The following LTN1 variants were observed in gnomAD, a reference collection of about 807,000 sequenced individuals.
LTN1 encodes E3 ubiquitin-protein ligase listerin.
LTN1 carries 88 observed loss-of-function variants against 201.2 expected under a neutral mutation model. The ratio of observed to expected loss-of-function variants is 0.44; its 90% CI spans 0.37 to 0.52. LTN1 has a LOEUF of 0.52. Among genes scored for constraint, LTN1 ranks in the 20% least tolerant of loss-of-function variants. LTN1 has a pLI of 0.00. For missense variants in LTN1, 1,752 were observed against 2,038.7 expected (o/e 0.86, Z 2.71); for synonymous variants, 645 against 713.5 (o/e 0.90, Z 1.53).
chr21:28,935,386 A>G, intron 26 of LTN1, 57 bp from the exon 27 acceptor site: 1 of 1,021,638 alleles, frequency 9.8e-7, no homozygotes, highest in Non-Finnish European at 1.5e-6. Flanking sequence ...AGAATAACAG[A>G]CTAATATTAG....
intron 18 of LTN1, among the ~76,000 whole-genome samples, chr21:28,951,172 C>T (rs926811966): frequency 6.6e-5 from 10 of 152,286 alleles, no homozygotes; most frequent in African/African-American, 2.2e-4. Context: ...TGTATTACTT[C>T]TTACACATTC....
At chr21:28,946,809 T>C (rs2084341445) in intron 19 of LTN1, among the ~76,000 whole-genome samples, 1 of 152,196 alleles carries the variant, frequency 6.6e-6, no homozygotes. Flanking sequence ...GTCCCCAACC[T>C]TCTATCTTAC....
chr21:28,941,084 C>G (rs1208528490), intron 25 of LTN1, 136 bp downstream of exon 25: 2 of 661,352 alleles, frequency 3.0e-6, no homozygotes, highest in African/African-American at 3.7e-5. Flanking sequence ...CTCAAATAAA[C>G]AAAATAAAAT....
At chr21:28,943,207 T>C (rs1240843985) in intron 24 of LTN1, 55 bp downstream of exon 24, 11 of 1,060,724 alleles carry the variant, frequency 1.0e-5, no homozygotes, top group Non-Finnish European at 1.4e-5. Context: ...AAAGACATTA[T>C]AAGTGAGATG....
rs1233218059 is a variant in LTN1, at chr21:28,966,669, G to A, written c.1822C>T (p.Arg608Ter). Residue 608 changes from arginine to a stop codon, truncating the protein, a stop_gained, in exon 10 of 30, where the codon CGA becomes TGA. Coordinates refer to ENST00000361371, the MANE Select transcript of LTN1 (RefSeq NM_015565.3). LOFTEE classifies it high-confidence loss of function. The part of the protein sequence containing the change: ...ADISINYVNE[R>*]KSEQHLRFLS... ...AACCTTAGATGTTGCTCTGACTTTCGTTCATTGACATAATTAATACTTATA... is the reference window on the plus strand; with the variant it reads ...AACCTTAGATGTTGCTCTGACTTTCATTCATTGACATAATTAATACTTATA... The A allele has an allele frequency of 2.5e-6, 4 of 1,613,774 alleles. No individual in the cohort carries two copies. Among genetic ancestry groups the A allele is most frequent in the Non-Finnish European group, 2.5e-6 (3 of 1,179,976 alleles).
chr21:28,969,252 A>G (rs775727010), intron 9 of LTN1, among the ~76,000 whole-genome samples: 2 of 152,068 alleles, frequency 1.3e-5, no homozygotes, highest in African/African-American at 4.8e-5. Context: ...GCATCCAGAC[A>G]CTGATTAGTT....
At chr21:28,991,220 G>A (rs1171355814) in intron 1 of LTN1, among the ~76,000 whole-genome samples, 1 of 151,302 alleles carries the variant, frequency 6.6e-6, no homozygotes, top group East Asian at 1.9e-4. Flanking sequence ...GAGCCCAAGA[G>A]GTTGACACTG....
intron 25 of LTN1, among the ~76,000 whole-genome samples, chr21:28,940,830 G>A (rs548168324): frequency 6.6e-6 from 1 of 152,202 alleles, no homozygotes; most frequent in Non-Finnish European, 1.5e-5. Flanking sequence ...GCTCATGCCT[G>A]TAATCCCAGC....
chr21:28,987,509 C>T (rs1402602387), intron 1 of LTN1, among the ~76,000 whole-genome samples: 1 of 152,170 alleles, frequency 6.6e-6, no homozygotes, highest in African/African-American at 2.4e-5. Context: ...CTCATTTCCA[C>T]ACACTCCAAA....
chr21:28,968,920 T>C (rs2084549095), intron 9 of LTN1, among the ~76,000 whole-genome samples: 1 of 151,070 alleles, frequency 6.6e-6, no homozygotes, highest in Non-Finnish European at 1.5e-5. Flanking sequence ...ACTACATCTT[T>C]CTAAAACAGG....
At chr21:28,933,920 C>A (rs969595409) in intron 27 of LTN1, among the ~76,000 whole-genome samples, 2 of 152,164 alleles carry the variant, frequency 1.3e-5, no homozygotes, top group Non-Finnish European at 2.9e-5. Context: ...AGGTGGTCTG[C>A]CCGCCTCGGC....
At chr21:28,937,125 T>C (rs1454727896) in intron 25 of LTN1, among the ~76,000 whole-genome samples, 1 of 152,232 alleles carries the variant, frequency 6.6e-6, no homozygotes, top group Non-Finnish European at 1.5e-5. Context: ...CAGAGTTGTT[T>C]TTTCAATCAG....
intron 8 of LTN1, among the ~76,000 whole-genome samples, chr21:28,969,873 A>G (rs976507898): frequency 6.6e-6 from 1 of 152,002 alleles, no homozygotes; most frequent in African/African-American, 2.4e-5. Context: ...TTTTAGAAAT[A>G]GGGTCTTACT....
intron 1 of LTN1, among the ~76,000 whole-genome samples, chr21:28,990,255 T>C (rs191729972): frequency 1.5e-3 from 231 of 152,350 alleles, no homozygotes; most frequent in Non-Finnish European, 2.6e-3. Context: ...CTATTATCTC[T>C]GAATACCTGA....
In LTN1 at chr21:28,946,267, T is replaced by G; in HGVS notation, c.3508A>C (p.Ile1170Leu). The G allele has an allele frequency of 1.3e-6, 2 of 1,578,440 alleles. No individual in the cohort carries two copies. Among genetic ancestry groups the G allele is most frequent in the Non-Finnish European group, 1.7e-6 (2 of 1,168,258 alleles). ...TTGGTTTGCAGACAAGAATTGAAAA[T>G]GGCAAGATGTCCAAAACCTCCTAAA... Reference protein sequence around the residue: ...STNGGFGHLAIFNSCLQTKSI... With the variant: ...STNGGFGHLALFNSCLQTKSI... The change falls in exon 20 of 30, where the codon ATT becomes CTT. Residue 1170 changes from isoleucine to leucine, a missense_variant. Coordinates refer to ENST00000361371, the MANE Select transcript of LTN1 (RefSeq NM_015565.3).
intron 3 of LTN1, among the ~76,000 whole-genome samples, chr21:28,985,817 C>T (rs2084694081): frequency 6.6e-6 from 1 of 151,980 alleles, no homozygotes; most frequent in Non-Finnish European, 1.5e-5. Context: ...TCCATCACCA[C>T]ACCCGGCTAA....
chr21:28,957,200 G>A (rs956609125), intron 15 of LTN1, 132 bp downstream of exon 15: 11 of 882,624 alleles, frequency 1.2e-5, no homozygotes, highest in African/African-American at 1.7e-5. Flanking sequence ...CAGTATATGA[G>A]CATACAAAGA....
Position 28,986,367 on chromosome 21 carries a change from C to A in LTN1, c.247-130G>T. ...CTATTTCTCTTTATGCCATATGAGA[C>A]TAGTTTGAAGAGCTCTTTCACAGGC... On this transcript the variant is annotated intron_variant, in intron 2 of 29. Coordinates refer to ENST00000361371, the MANE Select transcript of LTN1 (RefSeq NM_015565.3). The surrounding 1 kb of genome is among the most constrained non-coding windows in gnomAD (Gnocchi z 4.1). 1 of 701,944 alleles carries A rather than the reference C, an allele frequency of 1.4e-6. No individual in the cohort carries two copies. The highest frequency in any genetic ancestry group is 2.5e-6 in the Non-Finnish European group (1 of 398,402). 43.5% of individuals were successfully genotyped at this position (701,944 alleles called of 1,614,324 possible).
rs1412415881 is a variant in LTN1, at chr21:28,974,997, C to A, written c.811-3553G>T. Among the ~76,000 whole-genome samples the A allele has an allele frequency of 2.0e-5, 3 of 151,798 alleles. No individual in the cohort carries two copies. In the East Asian group the frequency reaches 5.8e-4, roughly 30 times the overall value. On this transcript the variant is annotated intron_variant, in intron 6 of 29. Transcript: ENST00000361371. The stretch of plus-strand genomic sequence containing the variant: ...ACTGCCTCCTAACAAAAAAAAAATA[C>A]CCTTTGGATAAATATAAAATAAACC...
Sources: allele counts gnomAD v4.1 joint callset (sites outside exome capture counted in the v4.1 genomes callset), GRCh38; gene constraint gnomAD v4.1.1; non-coding constraint Gnocchi (gnomAD v3.1); transcripts MANE v1.5; gene names NCBI Gene and HGNC (gene_info 2026-07-23, HGNC 2026-07-21).